ANO4: variants seen among roughly 807,000 people sequenced by gnomAD.
ANO4 encodes the protein anoctamin 4.
In ANO4, 69 loss-of-function variants were observed where a neutral mutation model predicts 141.9. That is an observed-to-expected ratio of 0.49 (90% CI 0.40 to 0.59). The LOEUF (loss-of-function observed/expected upper bound fraction) is 0.59, where lower values mean the gene tolerates loss of function less well. Ranked by LOEUF, ANO4 falls within the 20% of genes least tolerant of loss-of-function variation. The pLI, the probability that ANO4 is intolerant of heterozygous loss-of-function variation, is 0.00. For missense variants in ANO4, 894 were observed against 1,162.2 expected, an observed-to-expected ratio of 0.77 and a Z score of 3.36; for synonymous variants, 350 against 394.3, an observed-to-expected ratio of 0.89 and a Z score of 1.33.
At chr12:100,985,033 T>C (rs924973154) in intron 7 of ANO4, among the ~76,000 whole-genome samples, 3 of 152,314 alleles carry the variant, frequency 2.0e-5, no homozygotes, top group Admixed American at 2.0e-4. Flanking sequence ...TTTTACAAAG[T>C]GTGATCTGAT....
upstream of ANO4, among the ~76,000 whole-genome samples, chr12:100,793,374 T>C (rs1163434369): frequency 6.6e-6 from 1 of 152,260 alleles, no homozygotes; most frequent in Admixed American, 6.5e-5. Context: ...TTTATGGCCT[T>C]CTGCTGTGAC....
At chr12:101,062,892 A>T (rs2048409786) in intron 14 of ANO4, among the ~76,000 whole-genome samples, 1 of 152,144 alleles carries the variant, frequency 6.6e-6, no homozygotes, top group Non-Finnish European at 1.5e-5. Flanking sequence ...AGGGGAGTGA[A>T]CAGCTCTGTC....
rs1306771800 is a variant in ANO4, at chr12:101,117,519, G to T, written c.2570+721G>T. 2.0e-5 allele frequency among the ~76,000 whole-genome samples: 3 copies of T among 152,266 alleles called. No individual in the cohort carries two copies. In the East Asian group the frequency reaches 5.8e-4, roughly 29 times the overall value. On this transcript the variant is annotated intron_variant, in intron 25 of 27. Transcript: ENST00000392977. ...ATGAGATTACTTGTGCACAGTTCTT[G>T]AAGAGTCCAGATGGCACCTTTTTCT...
chr12:101,022,945 T>C (rs914324118), intron 9 of ANO4, among the ~76,000 whole-genome samples: 10 of 152,272 alleles, frequency 6.6e-5, no homozygotes, highest in Non-Finnish European at 1.3e-4. Context: ...TTCACTATGT[T>C]GGCCAGGCTG....
At chr12:100,908,533 A>G (rs779634531) in intron 2 of ANO4, among the ~76,000 whole-genome samples, 1 of 149,708 alleles carries the variant, frequency 6.7e-6, no homozygotes, top group African/African-American at 2.5e-5. Flanking sequence ...CTTGTTATTT[A>G]AAAAAAGTAT....
intron 18 of ANO4, among the ~76,000 whole-genome samples, chr12:101,095,724 A>G (rs551853091): frequency 6.6e-6 from 1 of 152,358 alleles, no homozygotes; most frequent in South Asian, 2.1e-4. Flanking sequence ...ACAAAATGCT[A>G]CTGTATTAAA....
intron 3 of ANO4, among the ~76,000 whole-genome samples, chr12:100,754,627 G>A (rs2032529942): frequency 6.6e-6 from 1 of 152,078 alleles, no homozygotes; most frequent in African/African-American, 2.4e-5. Context: ...GTTCATAGCA[G>A]CACTAGTCAC....
chr12:100,889,461 C>T (rs941931012), intron 1 of ANO4, among the ~76,000 whole-genome samples: 1 of 152,118 alleles, frequency 6.6e-6, no homozygotes, highest in African/African-American at 2.4e-5. Context: ...GCCACACTGA[C>T]TTCCACAATG....
intron 1 of ANO4, among the ~76,000 whole-genome samples, chr12:100,857,207 C>T (rs1057246404): frequency 2.6e-5 from 4 of 152,064 alleles, no homozygotes; most frequent in South Asian, 4.1e-4. Context: ...GGTTTCTCTT[C>T]GTTGCTAAGA....
intron 7 of ANO4, among the ~76,000 whole-genome samples, chr12:100,979,895 CTTTTTT>C (rs71091474): frequency 8.4e-6 from 1 of 119,420 alleles, no homozygotes; most frequent in African/African-American, 3.1e-5. Flanking sequence ...GCCCAGCTGA[CTTTTTT>C]TTTTTTTTTT....
At chr12:101,090,190 C>T (rs577690147) in intron 17 of ANO4, among the ~76,000 whole-genome samples, 69 of 152,298 alleles carry the variant, frequency 4.5e-4, no homozygotes, top group African/African-American at 1.5e-3. Flanking sequence ...GACAGTGTGG[C>T]GATTCCTCAA....
chr12:100,725,398 G>C (rs1018314964), intron 1 of ANO4, among the ~76,000 whole-genome samples: 1 of 146,464 alleles, frequency 6.8e-6, no homozygotes, highest in Non-Finnish European at 1.5e-5. Flanking sequence ...CCAGGCTGGA[G>C]TGCAGTGGCG....
At chr12:100,950,117 C>T (rs940563210) in intron 5 of ANO4, among the ~76,000 whole-genome samples, 1 of 152,100 alleles carries the variant, frequency 6.6e-6, no homozygotes, top group African/African-American at 2.4e-5. Flanking sequence ...ACGACAACAT[C>T]CTCCCTTCCT....
intron 2 of ANO4, among the ~76,000 whole-genome samples, chr12:100,916,340 A>T (rs183684822): frequency 6.6e-6 from 1 of 152,202 alleles, no homozygotes; most frequent in Admixed American, 6.5e-5. Context: ...TCTACTGATA[A>T]CCTATCAAGA....
intron 7 of ANO4, among the ~76,000 whole-genome samples, chr12:100,982,732 G>A (rs1450099718): frequency 6.6e-6 from 1 of 152,186 alleles, no homozygotes; most frequent in African/African-American, 2.4e-5. Flanking sequence ...AAACTGGAAT[G>A]TGAATCATCA....
intron 1 of ANO4, among the ~76,000 whole-genome samples, chr12:100,828,329 C>T (rs984312355): frequency 1.3e-5 from 2 of 151,962 alleles, no homozygotes; most frequent in African/African-American, 4.8e-5. Context: ...TCATGGAAAC[C>T]TCATTCCTAT....
At chr12:100,939,182 A>T in intron 3 of ANO4, 133 bp from the exon 4 acceptor site, 4 of 900,074 alleles carry the variant, frequency 4.4e-6, no homozygotes, top group Non-Finnish European at 6.6e-6. Flanking sequence ...TTAGGAAATA[A>T]TATGCTTGTC....
intron 14 of ANO4, among the ~76,000 whole-genome samples, chr12:101,066,502 A>G (rs917999188): frequency 2.0e-5 from 3 of 152,206 alleles, no homozygotes; most frequent in Non-Finnish European, 4.4e-5. Context: ...AAGTAATCCC[A>G]TTTACAATAG....
At chr12:101,062,449 G>T (rs2048390022) in intron 14 of ANO4, among the ~76,000 whole-genome samples, 1 of 152,236 alleles carries the variant, frequency 6.6e-6, no homozygotes, top group African/African-American at 2.4e-5. Context: ...GAGCTGGCAG[G>T]CAGGAACATT....
Sources: allele counts gnomAD v4.1 joint callset (sites outside exome capture counted in the v4.1 genomes callset), GRCh38; gene constraint gnomAD v4.1.1; transcripts MANE v1.5; gene names NCBI Gene and HGNC (gene_info 2026-07-23, HGNC 2026-07-21).